PPP2R3A: variants seen among roughly 807,000 people sequenced by gnomAD.
The protein encoded by PPP2R3A is serine/threonine-protein phosphatase 2A regulatory subunit B'' subunit alpha.
PPP2R3A carries 80 observed loss-of-function variants against 106.9 expected under a neutral mutation model. That is an observed-to-expected ratio of 0.75 (90% confidence interval 0.62 to 0.90). The LOEUF is 0.90. Ranked by LOEUF, PPP2R3A falls within the 40% of genes least tolerant of loss-of-function variation. The probability of loss-of-function intolerance (pLI) is 0.00; values close to 1 mark genes in which losing one functional copy is unlikely to be tolerated. For synonymous variants in PPP2R3A, 483 were observed against 468.3 expected (o/e 1.03, Z -0.41); for missense variants, 1,386 against 1,350.4 (o/e 1.03, Z -0.41).
chr3:136,008,367 A>G (rs560856138), intron 2 of PPP2R3A, among the ~76,000 whole-genome samples: 12 of 152,242 alleles, frequency 7.9e-5, no homozygotes, highest in East Asian at 1.9e-4. Context: ...CCTCCTCTCA[A>G]TTGCCACCAA....
intron 13 of PPP2R3A, among the ~76,000 whole-genome samples, chr3:136,132,579 C>T (rs936007239): frequency 2.6e-5 from 4 of 151,584 alleles, no homozygotes; most frequent in African/African-American, 4.8e-5. Flanking sequence ...AATAATAATA[C>T]TTGTACAATG....
Position 136,111,164 on chromosome 3 carries a change from A to G in PPP2R3A, c.3329+4842A>G, listed in dbSNP as rs931078810. On this transcript the variant is annotated intron_variant, in intron 13 of 13. Coordinates refer to ENST00000264977, the MANE Select transcript of PPP2R3A (RefSeq NM_002718.5). The stretch of plus-strand genomic sequence containing the variant: ...GGGAGGAAAGAAGCAATTGTGAGCA[A>G]TAAAAATAGTAAAAATTATTCTTAG... 5.3e-5 allele frequency among the ~76,000 whole-genome samples: 8 copies of G among 152,336 alleles called. No individual in the cohort carries two copies. In the South Asian group the frequency reaches 1.4e-3, roughly 28 times the overall value.
Position 136,137,534 on chromosome 3 carries a change from ATTTTTTTT to A in PPP2R3A, c.3330-7491_3330-7484del, listed in dbSNP as rs59086929. Among the ~76,000 whole-genome samples, 12 of 40,540 alleles carry A rather than the reference ATTTTTTTT, an allele frequency of 3.0e-4. No individual in the cohort carries two copies. The East Asian group carries it at 3.9e-3, about 13-fold the overall frequency. The allele number at this position is 40,540 out of a possible 152,430, so 26.6% of individuals were successfully genotyped here. ...AAATATATGAATTACTCTGTCAGAG[ATTTTTTTT>A]TTTTTTTTTTTTTTTTTGAGATGGA... is the stretch of plus-strand genomic sequence containing the variant. On this transcript the variant is annotated intron_variant, in intron 13 of 13. Coordinates refer to ENST00000264977, the MANE Select transcript of PPP2R3A (RefSeq NM_002718.5).
At chr3:136,018,364 A>G (rs1934349746) in intron 2 of PPP2R3A, among the ~76,000 whole-genome samples, 1 of 152,242 alleles carries the variant, frequency 6.6e-6, no homozygotes, top group African/African-American at 2.4e-5. Flanking sequence ...AGACTTCTTC[A>G]GACAAATGTT....
chr3:135,985,730 A>G (rs1447504864), intron 1 of PPP2R3A, among the ~76,000 whole-genome samples: 2 of 152,200 alleles, frequency 1.3e-5, no homozygotes, highest in African/African-American at 4.8e-5. Context: ...GGATGTGACC[A>G]TGGGATAAAG....
rs1464379906 is a variant in PPP2R3A at position 136,106,280 on chromosome 3, C to A, written c.3287C>A (p.Thr1096Lys). The change falls in exon 13 of 14, where the codon ACG becomes AAG. Residue 1096 changes from threonine (T) to lysine (K), a missense_variant. Physicochemically the swap from Thr to Lys is moderately conservative, Grantham distance 78 (BLOSUM62 -1). Transcript: ENST00000264977. ...WDRFAAEEYE[T>K]LVAEESAQAQ... ...CGGTTTGCCGCTGAGGAGTATGAGA[C>A]GCTTGTTGCAGAGGAATCTGCCCAA... 1 of 1,613,758 alleles carries A rather than the reference C, an allele frequency of 6.2e-7. No homozygotes were observed. Among genetic ancestry groups the A allele is most frequent in the East Asian group, 2.2e-5 (1 of 44,848 alleles).
chr3:136,110,200 A>T (rs140151382), intron 13 of PPP2R3A, among the ~76,000 whole-genome samples: 178 of 152,312 alleles, frequency 1.2e-3, no homozygotes, highest in African/African-American at 4.1e-3. Flanking sequence ...GTTCTCAACT[A>T]CTTAAAAGGT....
chr3:136,115,616 T>G (rs1320859612), intron 13 of PPP2R3A, among the ~76,000 whole-genome samples: 1 of 150,970 alleles, frequency 6.6e-6, no homozygotes, highest in Non-Finnish European at 1.5e-5. Flanking sequence ...CAACTATCAG[T>G]AGCCAAATCG....
chr3:136,132,613 G>A (rs1375367440), intron 13 of PPP2R3A, among the ~76,000 whole-genome samples: 1 of 151,812 alleles, frequency 6.6e-6, no homozygotes, highest in Non-Finnish European at 1.5e-5. Flanking sequence ...AATGCTGAGA[G>A]AAATTAAAGA....
intron 4 of PPP2R3A, among the ~76,000 whole-genome samples, chr3:136,045,209 AGAGCGCTTTTGCCAGTGGCCCCCAGTG>A (rs996120927): frequency 4.6e-5 from 7 of 152,170 alleles, no homozygotes; most frequent in Non-Finnish European, 8.8e-5. Context: ...CTCCCCTGCG[AGAGCGCTTTTGCCAGTGGCCCCCAGTG>A]GAGCGCTTTT....
intron 2 of PPP2R3A, among the ~76,000 whole-genome samples, chr3:136,007,425 C>T (rs754971980): frequency 6.6e-6 from 1 of 152,212 alleles, no homozygotes; most frequent in Non-Finnish European, 1.5e-5. Flanking sequence ...GTGCCCTTCT[C>T]AGACTTCAGG....
chr3:135,999,363 C>G (rs145592182), intron 1 of PPP2R3A, among the ~76,000 whole-genome samples: 175 of 152,256 alleles, frequency 1.1e-3, no homozygotes, highest in African/African-American at 4.1e-3. Context: ...CTAGCTTTCT[C>G]TTAGACGCAG....
intron 3 of PPP2R3A, among the ~76,000 whole-genome samples, chr3:136,031,467 G>T (rs1418888966): frequency 6.6e-6 from 1 of 152,078 alleles, no homozygotes; most frequent in African/African-American, 2.4e-5. Flanking sequence ...CTGTTTACTT[G>T]CTGACTGTTC....
At chr3:136,028,253 C>T (rs1190233185) in intron 3 of PPP2R3A, among the ~76,000 whole-genome samples, 2 of 152,162 alleles carry the variant, frequency 1.3e-5, no homozygotes, top group East Asian at 1.9e-4. Context: ...CATGCCCTGC[C>T]CTACCTCTGA....
chr3:135,976,917 G>A (rs1937435228), intron 1 of PPP2R3A, among the ~76,000 whole-genome samples: 2 of 151,994 alleles, frequency 1.3e-5, no homozygotes, highest in Non-Finnish European at 2.9e-5. Context: ...TTAATAGGTG[G>A]CATGTCAAAT....
chr3:135,967,818 T>A (rs185375093), intron 1 of PPP2R3A, among the ~76,000 whole-genome samples: 123 of 152,210 alleles, frequency 8.1e-4, no homozygotes, highest in African/African-American at 2.8e-3. Context: ...TGAGTCAGAG[T>A]TTCTCATTTG....
At chr3:136,093,455 AAG>A (rs1332303736) in intron 10 of PPP2R3A, among the ~76,000 whole-genome samples, 17 of 152,362 alleles carry the variant, frequency 1.1e-4, no homozygotes, top group African/African-American at 3.6e-4. Flanking sequence ...AGATATGATC[AAG>A]AAAGTAAAAA....
chr3:136,062,165 GT>G (rs1936099891), intron 5 of PPP2R3A, among the ~76,000 whole-genome samples: 1 of 152,232 alleles, frequency 6.6e-6, no homozygotes, highest in Admixed American at 6.5e-5. Context: ...GACTGAGAAA[GT>G]TTATCTCCTT....
chr3:136,114,451 G>A (rs1277214876), intron 13 of PPP2R3A, among the ~76,000 whole-genome samples: 1 of 152,192 alleles, frequency 6.6e-6, no homozygotes, highest in Non-Finnish European at 1.5e-5. Flanking sequence ...TCACTCCCCT[G>A]GAAGGGGGCT....
Sources: allele counts gnomAD v4.1 joint callset (sites outside exome capture counted in the v4.1 genomes callset), GRCh38; gene constraint gnomAD v4.1.1; transcripts MANE v1.5; gene names NCBI Gene and HGNC (gene_info 2026-07-23, HGNC 2026-07-21).